Variants in NOL8 observed in about 807,000 individuals in gnomAD.
NOL8 encodes the protein nucleolar protein 8.
Under a neutral mutation model 116.1 loss-of-function variants are expected in NOL8, and 93 were observed. The ratio of observed to expected loss-of-function variants is 0.80; its 90% CI spans 0.68 to 0.95. The LOEUF (loss-of-function observed/expected upper bound fraction) is 0.95. NOL8 is among the 40% of genes least tolerant of loss of function. NOL8 has a pLI of 0.00. For synonymous variants in NOL8, 419 were observed against 469.0 expected (o/e 0.89, Z 1.38); for missense variants, 1,291 against 1,382.8 (o/e 0.93, Z 1.05).
intron 7 of NOL8, among the ~76,000 whole-genome samples, chr9:92,313,692 C>T (rs1250017732): frequency 2.6e-5 from 4 of 152,150 alleles, no homozygotes; most frequent in African/African-American, 9.7e-5. Context: ...ACTCCCTTTC[C>T]ACCCTTTCAC....
At position 92,311,219 on chromosome 9, in the gene NOL8, C is replaced by T. The variant is rs558860095; in HGVS notation, c.2399G>A (p.Gly800Asp). 6.2e-6 allele frequency: 10 copies of T among 1,613,834 alleles called. No individual in the cohort carries two copies. The highest frequency in any genetic ancestry group is 7.6e-6 in the Non-Finnish European group (9 of 1,179,850). ...PEDKPTHIIF[G>D]SDSECETEET... ...CTCTGTTTCACATTCACTGTCAGAA[C>T]CGAAGATGATGTGCGTTGGCTTATC... The change falls in exon 8 of 17, where the codon GGT (glycine) becomes GAT (aspartate). Residue 800 changes from glycine (G) to aspartate (D), a missense_variant. Physicochemically the swap from Gly to Asp is moderately conservative, Grantham distance 94 (BLOSUM62 -1). Coordinates refer to ENST00000442668, the MANE Select transcript of NOL8 (RefSeq NM_017948.6).
At chr9:92,320,564 T>A (rs1219369544) in intron 4 of NOL8, among the ~76,000 whole-genome samples, 1 of 152,234 alleles carries the variant, frequency 6.6e-6, no homozygotes, top group Middle Eastern at 3.4e-3. Flanking sequence ...AACAAGCTTA[T>A]CAACTCTCCT....
chr9:92,310,147 G>A, intron 10 of NOL8, 24 bp downstream of exon 10: 1 of 1,531,284 alleles, frequency 6.5e-7, no homozygotes, highest in Non-Finnish European at 9.0e-7. Context: ...ATGACATCAG[G>A]ACTCTGGACA....
intron 7 of NOL8, among the ~76,000 whole-genome samples, chr9:92,312,560 C>T (rs1401045803): frequency 6.7e-6 from 1 of 149,650 alleles, no homozygotes; most frequent in Non-Finnish European, 1.5e-5. Context: ...GGCACAGTAG[C>T]TCACGCCTGT....
chr9:92,307,105 C>CT, intron 10 of NOL8, 81 bp from the exon 11 acceptor site: 2 of 1,390,298 alleles, frequency 1.4e-6, no homozygotes, highest in South Asian at 2.7e-5. Context: ...TACCAAGTAC[C>CT]TAAACATGTT....
chr9:92,311,591 C>CA (rs1015481945), intron 7 of NOL8, among the ~76,000 whole-genome samples: 2 of 151,700 alleles, frequency 1.3e-5, no homozygotes, highest in East Asian at 1.9e-4. Flanking sequence ...AACAAGCATA[C>CA]AAAAAAAATG....
chr9:92,313,737 C>G (rs1839075153), intron 7 of NOL8, among the ~76,000 whole-genome samples: 1 of 152,210 alleles, frequency 6.6e-6, no homozygotes, highest in Admixed American at 6.5e-5. Context: ...TCTTTTCCTA[C>G]CACTCAGCTC....
intron 11 of NOL8, among the ~76,000 whole-genome samples, chr9:92,306,560 GTCTC>G (rs1368732674): frequency 6.6e-6 from 1 of 152,090 alleles, no homozygotes; most frequent in African/African-American, 2.4e-5. Flanking sequence ...GCTTTCATTA[GTCTC>G]TCTAAATTTC....
At chr9:92,308,031 A>G (rs974445322) in intron 10 of NOL8, among the ~76,000 whole-genome samples, 2 of 152,204 alleles carry the variant, frequency 1.3e-5, no homozygotes, top group African/African-American at 4.8e-5. Flanking sequence ...ATAATGCTGA[A>G]AAAGGCTCAA....
intron 7 of NOL8, 63 bp from the exon 8 acceptor site, chr9:92,311,322 T>C (rs900660767): frequency 2.4e-6 from 3 of 1,270,646 alleles, no homozygotes; most frequent in Non-Finnish European, 2.2e-6. Flanking sequence ...CCAAAAGCAA[T>C]TGCAACAAAA....
intron 12 of NOL8, among the ~76,000 whole-genome samples, chr9:92,305,036 G>A (rs1328052956): frequency 1.3e-5 from 2 of 151,858 alleles, no homozygotes; most frequent in African/African-American, 2.4e-5. Flanking sequence ...CACACTAGAT[G>A]GTTGAATGGT....
chr9:92,307,086 T>A, intron 10 of NOL8, 62 bp from the exon 11 acceptor site: 1 of 1,518,546 alleles, frequency 6.6e-7, no homozygotes, highest in Non-Finnish European at 8.9e-7. Context: ...GTCTCAATCA[T>A]CAAATATTTA....
rs1196045983 is a variant in NOL8, at chr9:92,311,161, T to C, written c.2457A>G (p.Gly819=). ...ETSTQEQSHP[G]EEWVKESMGK... ...AACTTCTTACTTTCACCCATTCCTC[T>C]CCTGGATGGCTCTGCTCCTGAGTCG... is the stretch of plus-strand genomic sequence containing the variant. The change falls in exon 8 of 17, where the codon GGA becomes GGG. Residue 819 remains glycine (G), a synonymous_variant. Coordinates refer to ENST00000442668, the MANE Select transcript of NOL8 (RefSeq NM_017948.6). 6.2e-7 allele frequency: 1 copy of C among 1,613,276 alleles called. No individual in the cohort carries two copies. Among genetic ancestry groups the C allele is most frequent in the African/African-American group, 1.3e-5 (1 of 75,006 alleles).
intron 7 of NOL8, among the ~76,000 whole-genome samples, chr9:92,313,623 G>C (rs1839063580): frequency 6.6e-6 from 1 of 152,142 alleles, no homozygotes; most frequent in South Asian, 2.1e-4. Context: ...TAATTACACT[G>C]ATTGAAAACA....
chr9:92,309,801 C>T (rs935235534), intron 10 of NOL8, among the ~76,000 whole-genome samples: 1 of 152,152 alleles, frequency 6.6e-6, no homozygotes, highest in African/African-American at 2.4e-5. Context: ...CACTGGAGGA[C>T]GATGAACACT....
intron 7 of NOL8, among the ~76,000 whole-genome samples, chr9:92,311,993 C>T (rs1838838527): frequency 6.6e-6 from 1 of 152,190 alleles, no homozygotes; most frequent in Non-Finnish European, 1.5e-5. Flanking sequence ...ATGTGGTACA[C>T]ATGCCCCATG....
chr9:92,310,326 C>T (rs755820456), intron 9 of NOL8, 65 bp from the exon 10 acceptor site: 3 of 1,406,174 alleles, frequency 2.1e-6, no homozygotes, highest in Non-Finnish European at 3.0e-6. Context: ...CTGACGAAGA[C>T]TGTCAATGTA....
intron 1 of NOL8, 117 bp from the exon 2 acceptor site, chr9:92,324,326 T>G: frequency 3.6e-6 from 3 of 831,030 alleles, no homozygotes; most frequent in Non-Finnish European, 5.5e-6. Context: ...CTTCCTATTG[T>G]ATTACTTCCA....
At chr9:92,314,147 A>G (rs908599270) in intron 7 of NOL8, 120 bp downstream of exon 7, 104 of 1,349,020 alleles carry the variant, frequency 7.7e-5, no homozygotes, top group Non-Finnish European at 1.5e-5. Flanking sequence ...TCAAGAACCA[A>G]AACATGAAAC....
Sources: allele counts gnomAD v4.1 joint callset (sites outside exome capture counted in the v4.1 genomes callset), GRCh38; gene constraint gnomAD v4.1.1; transcripts MANE v1.5; gene names NCBI Gene and HGNC (gene_info 2026-07-23, HGNC 2026-07-21).